Variants in NCAM2 observed in about 807,000 individuals in gnomAD.
NCAM2 encodes neural cell adhesion molecule 2.
Under a neutral mutation model 98.1 loss-of-function variants are expected in NCAM2, and 30 were observed. The observed-to-expected ratio is 0.31, with a 90% CI of 0.23 to 0.41. NCAM2 has a LOEUF of 0.41. Ranked by LOEUF, NCAM2 falls within the 10% of genes least tolerant of loss-of-function variation. The pLI is 1.00. For synonymous variants in NCAM2, 368 were observed against 342.4 expected (o/e 1.07, Z -0.83); for missense variants, 867 against 1,005.8 (o/e 0.86, Z 1.87).
chr21:21,020,697 T>G (rs2064415825), intron 1 of NCAM2, among the ~76,000 whole-genome samples: 1 of 152,202 alleles, frequency 6.6e-6, no homozygotes, highest in Non-Finnish European at 1.5e-5. Flanking sequence ...GTTTCCTGAT[T>G]CGAGCTCTAG....
chr21:21,410,932 G>C (rs1386056852), intron 10 of NCAM2, among the ~76,000 whole-genome samples: 1 of 145,460 alleles, frequency 6.9e-6, no homozygotes, highest in Non-Finnish European at 1.5e-5. Context: ...ACTTGAACTT[G>C]GGAGGTGGAG....
chr21:21,146,557 G>GTATA (rs35673800), intron 1 of NCAM2, among the ~76,000 whole-genome samples: 8 of 55,032 alleles, frequency 1.5e-4, no homozygotes, highest in African/African-American at 3.9e-4. Context: ...ATATATATAT[G>GTATA]TATATATATA....
chr21:21,536,223 T>G, intron 17 of NCAM2, among the ~76,000 whole-genome samples: 1 of 152,090 alleles, frequency 6.6e-6, no homozygotes, highest in East Asian at 1.9e-4. Flanking sequence ...TGCCTATTAC[T>G]TCTTTTGATT....
Position 21,494,083 on chromosome 21 carries a change from C to T in NCAM2, c.2078-14768C>T, listed in dbSNP as rs531098119. Among the ~76,000 whole-genome samples the T allele has an allele frequency of 2.6e-5, 4 of 151,782 alleles. No homozygotes were observed. In the South Asian group the frequency reaches 8.3e-4, roughly 32 times the overall value. On this transcript the variant is annotated intron_variant, in intron 15 of 17. Transcript: ENST00000400546. ...AACTTTAAACATCTTAATAAATTACCATAGATTCCAAGAAAAATAATAATA... is the reference window on the plus strand; with the variant it reads ...AACTTTAAACATCTTAATAAATTACTATAGATTCCAAGAAAAATAATAATA...
chr21:21,166,086 C>T (rs2067942052), intron 1 of NCAM2, among the ~76,000 whole-genome samples: 1 of 152,074 alleles, frequency 6.6e-6, no homozygotes, highest in African/African-American at 2.4e-5. Flanking sequence ...TTTTCAGGCA[C>T]CAAAACAAGG....
At chr21:21,051,171 G>GT (rs1041980980) in intron 1 of NCAM2, among the ~76,000 whole-genome samples, 19 of 152,184 alleles carry the variant, frequency 1.2e-4, no homozygotes, top group African/African-American at 4.3e-4. Context: ...CCTTTTTATG[G>GT]TTTTTTTCAC....
intron 1 of NCAM2, among the ~76,000 whole-genome samples, chr21:21,070,367 CA>C (rs1243791473): frequency 2.9e-5 from 4 of 138,426 alleles, no homozygotes; most frequent in Non-Finnish European, 4.7e-5. Context: ...TGTTAAATGA[CA>C]ATACAAAAAG....
At chr21:21,011,079 A>C (rs147703190) in intron 1 of NCAM2, among the ~76,000 whole-genome samples, 54 of 152,248 alleles carry the variant, frequency 3.5e-4, no homozygotes, top group African/African-American at 1.3e-3. Context: ...TGTTTCCTTA[A>C]TGATCAGTGT....
intron 15 of NCAM2, among the ~76,000 whole-genome samples, chr21:21,504,333 T>C (rs770027353): frequency 6.6e-6 from 1 of 151,954 alleles, no homozygotes; most frequent in Non-Finnish European, 1.5e-5. Context: ...AAAGTTACCA[T>C]AAAATTTACA....
intron 5 of NCAM2, among the ~76,000 whole-genome samples, chr21:21,318,275 AATTT>A (rs1195031625): frequency 6.6e-6 from 1 of 152,152 alleles, no homozygotes; most frequent in East Asian, 1.9e-4. Flanking sequence ...TTCAAGCTTG[AATTT>A]ATTTATTTAT....
At chr21:21,070,009 T>C (rs1401738452) in intron 1 of NCAM2, among the ~76,000 whole-genome samples, 2 of 152,296 alleles carry the variant, frequency 1.3e-5, no homozygotes, top group Non-Finnish European at 2.9e-5. Flanking sequence ...AATGTGTTTT[T>C]GTGCATGTGT....
intron 5 of NCAM2, among the ~76,000 whole-genome samples, chr21:21,319,942 G>C (rs2074331095): frequency 6.6e-6 from 1 of 152,146 alleles, no homozygotes; most frequent in Non-Finnish European, 1.5e-5. Context: ...CACTAAGAAT[G>C]TAATCGTAAA....
At chr21:21,064,597 C>A (rs1231303333) in intron 1 of NCAM2, among the ~76,000 whole-genome samples, 1 of 152,082 alleles carries the variant, frequency 6.6e-6, no homozygotes, top group African/African-American at 2.4e-5. Context: ...TTCTCTTGCC[C>A]CTCAGGGTTC....
intron 1 of NCAM2, among the ~76,000 whole-genome samples, chr21:21,183,532 G>C (rs184989197): frequency 6.6e-6 from 1 of 152,112 alleles, no homozygotes; most frequent in Admixed American, 6.6e-5. Context: ...TAAGGGGAGA[G>C]ACCTTGTTAA....
chr21:21,462,732 AT>A (rs1569089364), intron 12 of NCAM2, among the ~76,000 whole-genome samples: 2 of 152,024 alleles, frequency 1.3e-5, no homozygotes, highest in African/African-American at 4.8e-5. Context: ...AAATTCAGTT[AT>A]ATATAAATGA....
intron 1 of NCAM2, among the ~76,000 whole-genome samples, chr21:21,242,937 T>C (rs1193901259): frequency 1.3e-5 from 2 of 152,148 alleles, no homozygotes; most frequent in African/African-American, 4.8e-5. Context: ...CAGGAGAAAT[T>C]ATTGAAGAAA....
chr21:21,450,805 C>CGTATGT (rs1238583066), intron 12 of NCAM2, among the ~76,000 whole-genome samples: 7 of 112,332 alleles, frequency 6.2e-5, no homozygotes, highest in Non-Finnish European at 1.4e-4. Flanking sequence ...CACACACACA[C>CGTATGT]ACACACACAC....
chr21:21,458,177 C>T (rs55928546), intron 12 of NCAM2, among the ~76,000 whole-genome samples: 20,706 of 152,268 alleles, frequency 0.14, 1,434 homozygotes, highest in Non-Finnish European at 0.14. Flanking sequence ...GCCAGCACTA[C>T]GCCTCTCATT....
chr21:21,030,788 A>G (rs2064665838), intron 1 of NCAM2, among the ~76,000 whole-genome samples: 1 of 152,236 alleles, frequency 6.6e-6, no homozygotes, highest in Non-Finnish European at 1.5e-5. Context: ...TTAGTCAGAT[A>G]AATAGTAATA....
Sources: allele counts gnomAD v4.1 joint callset (sites outside exome capture counted in the v4.1 genomes callset), GRCh38; gene constraint gnomAD v4.1.1; transcripts MANE v1.5; gene names NCBI Gene and HGNC (gene_info 2026-07-23, HGNC 2026-07-21).